The following PPP1R42 variants were observed in gnomAD, a reference collection of about 807,000 sequenced individuals.
PPP1R42 encodes protein phosphatase 1 regulatory subunit 42.
In PPP1R42, 34 loss-of-function variants were observed where a neutral mutation model predicts 31.0. The observed-to-expected ratio is 1.10, with a 90% confidence interval of 0.83 to 1.46. The LOEUF (loss-of-function observed/expected upper bound fraction) is 1.46. PPP1R42 is among the 40% of genes most tolerant of loss of function. The probability of loss-of-function intolerance (pLI) is 0.00; values close to 1 mark genes in which losing one functional copy is unlikely to be tolerated. For missense variants in PPP1R42, 268 were observed against 303.0 expected (o/e 0.88, Z 0.86); for synonymous variants, 103 against 109.8 (o/e 0.94, Z 0.39).
In PPP1R42 at chr8:66,985,309, C is replaced by G. The variant is rs1814975899; in HGVS notation, c.670+3091G>C. 8 of 828,066 alleles carry G rather than the reference C, an allele frequency of 9.7e-6. No individual in the cohort carries two copies. The East Asian group carries it at 1.9e-4, about 20-fold the overall frequency. 51.3% of individuals were successfully genotyped at this position (828,066 alleles called of 1,614,324 possible). On this transcript the variant is annotated intron_variant, in intron 6 of 7. Transcript: ENST00000685739. ...TCGGGGTCAAAAAAGGTATTGGACTCCATGTCTTCTGATGGCTTTTCTTTT... is the reference window on the plus strand; with the variant it reads ...TCGGGGTCAAAAAAGGTATTGGACTGCATGTCTTCTGATGGCTTTTCTTTT...
chr8:66,972,144 G>C (rs1286140545), intron 7 of PPP1R42, among the ~76,000 whole-genome samples: 1 of 152,120 alleles, frequency 6.6e-6, no homozygotes, highest in African/African-American at 2.4e-5. Context: ...GTATGCTATT[G>C]GACATATACA....
At chr8:66,986,080 C>T (rs904752402) in intron 6 of PPP1R42, 14 of 732,378 alleles carry the variant, frequency 1.9e-5, no homozygotes, top group South Asian at 9.5e-5. Flanking sequence ...TTCAGATGAT[C>T]GGCTGCCTTC....
chr8:67,022,624 CTA>C (rs1816256750), intron 1 of PPP1R42, among the ~76,000 whole-genome samples: 1 of 151,848 alleles, frequency 6.6e-6, no homozygotes, highest in Non-Finnish European at 1.5e-5. Flanking sequence ...AAAAAAAGAC[CTA>C]TATATTCTTC....
chr8:66,988,732 G>T (rs1245477499), intron 5 of PPP1R42, among the ~76,000 whole-genome samples: 1 of 152,132 alleles, frequency 6.6e-6, no homozygotes, highest in East Asian at 1.9e-4. Context: ...GAGGTCCTAA[G>T]TTGAGGGCCA....
chr8:67,017,849 AAGG>A lies in PPP1R42; in HGVS notation c.-84-21_-84-19del, dbSNP rs1935394627. ...CCAACTTTCTGAAGATTAAAGAAAA[AAGG>A]AGCATTATGATATCATAGCAATTTA... On this transcript the variant is annotated intron_variant, in intron 1 of 7. Transcript: ENST00000685739. 7.8e-7 allele frequency: 1 copy of A among 1,286,108 alleles called. No individual in the cohort carries two copies. Among genetic ancestry groups the A allele is most frequent in the Non-Finnish European group, 1.0e-6 (1 of 980,532 alleles). 79.7% of individuals were successfully genotyped at this position (1,286,108 alleles called of 1,614,324 possible).
chr8:66,996,154 G>A (rs190353296), intron 5 of PPP1R42, among the ~76,000 whole-genome samples: 104 of 152,254 alleles, frequency 6.8e-4, no homozygotes, highest in Non-Finnish European at 4.0e-4. Flanking sequence ...AGGCTCAAGC[G>A]ATCCTTCCAC....
At chr8:67,002,387 C>T (rs1355736665) in intron 5 of PPP1R42, among the ~76,000 whole-genome samples, 3 of 152,142 alleles carry the variant, frequency 2.0e-5, no homozygotes, top group South Asian at 2.1e-4. Context: ...TTAGTAGAGA[C>T]GTGGTTTCAC....
At chr8:66,994,879 T>C (rs1001675728) in intron 5 of PPP1R42, among the ~76,000 whole-genome samples, 1 of 152,208 alleles carries the variant, frequency 6.6e-6, no homozygotes, top group Non-Finnish European at 1.5e-5. Flanking sequence ...GTGTAAGAAC[T>C]ACACTAGTTA....
chr8:66,975,388 C>A (rs999185250), intron 7 of PPP1R42, among the ~76,000 whole-genome samples: 4 of 152,188 alleles, frequency 2.6e-5, no homozygotes, highest in Non-Finnish European at 5.9e-5. Flanking sequence ...TGGCTCATGC[C>A]TGTAATCCCA....
intron 6 of PPP1R42, chr8:66,984,210 A>G: frequency 3.2e-6 from 5 of 1,546,504 alleles, no homozygotes; most frequent in Non-Finnish European, 4.5e-6. Context: ...TGAAATGCTC[A>G]TGAGCTATGT....
At chr8:66,964,560 AAAT>A (rs1814330961) in intron 7 of PPP1R42, among the ~76,000 whole-genome samples, 1 of 152,162 alleles carries the variant, frequency 6.6e-6, no homozygotes, top group Admixed American at 6.5e-5. Flanking sequence ...AGAGGTATGG[AAAT>A]AATATTAGAG....
intron 5 of PPP1R42, among the ~76,000 whole-genome samples, chr8:67,008,707 C>CA (rs764674038): frequency 0.14 from 10,346 of 71,862 alleles, 829 homozygotes; most frequent in African/African-American, 0.29. Flanking sequence ...GACTCTGTCT[C>CA]AAAAAAAAAA....
chr8:67,008,014 G>A (rs1226758630), intron 5 of PPP1R42, among the ~76,000 whole-genome samples: 1 of 150,084 alleles, frequency 6.7e-6, no homozygotes, highest in African/African-American at 2.5e-5. Flanking sequence ...AGCCTCCCAA[G>A]TATCTGGGAC....
chr8:67,017,739 T>C lies in PPP1R42; in HGVS notation c.9A>G (p.Arg3=), dbSNP rs1816060448. 1.3e-6 allele frequency: 2 copies of C among 1,585,120 alleles called. No homozygotes were observed. The highest frequency in any genetic ancestry group is 1.7e-6 in the Non-Finnish European group (2 of 1,167,788). MV[R]LTLDLIARNS... Reference sequence around the variant, plus strand: ...TTCTGGCAATTAGATCCAAGGTCAGTCGAACCATAATTTCTTTATAAATCA... The same window carrying C: ...TTCTGGCAATTAGATCCAAGGTCAGCCGAACCATAATTTCTTTATAAATCA... Residue 3 remains arginine, a synonymous_variant, in exon 2 of 8, where the codon CGA becomes CGG. Transcript: ENST00000685739.
intron 5 of PPP1R42, among the ~76,000 whole-genome samples, chr8:66,990,945 G>A (rs956967424): frequency 1.3e-4 from 20 of 152,130 alleles, no homozygotes; most frequent in African/African-American, 3.6e-4. Flanking sequence ...ATGACAGGCC[G>A]TAGAAGTTTG....
intron 7 of PPP1R42, 142 bp downstream of exon 7, chr8:66,981,907 G>A (rs1474395633): frequency 2.4e-6 from 2 of 845,350 alleles, no homozygotes; most frequent in Non-Finnish European, 3.2e-6. Flanking sequence ...GTACAACTAA[G>A]TAAATAAGTT....
At chr8:67,004,158 G>T (rs1159431496) in intron 5 of PPP1R42, among the ~76,000 whole-genome samples, 13 of 151,956 alleles carry the variant, frequency 8.6e-5, no homozygotes, top group Admixed American at 8.5e-4. Flanking sequence ...TTCATGAATG[G>T]ATTAGAACCT....
intron 5 of PPP1R42, among the ~76,000 whole-genome samples, chr8:67,006,442 A>C (rs1031418343): frequency 1.3e-5 from 2 of 152,238 alleles, no homozygotes; most frequent in South Asian, 4.1e-4. Context: ...TCCTGGGCTC[A>C]AGCGATCCTC....
intron 7 of PPP1R42, among the ~76,000 whole-genome samples, chr8:66,974,021 T>C (rs908277348): frequency 6.6e-6 from 1 of 152,200 alleles, no homozygotes; most frequent in Non-Finnish European, 1.5e-5. Flanking sequence ...GCATCTTGAC[T>C]ATTGTGAATA....
Sources: gnomAD v4.1 joint callset for allele counts (sites outside exome capture counted in the v4.1 genomes callset) on GRCh38, gnomAD v4.1.1 for gene constraint, MANE v1.5 for transcripts, NCBI Gene and HGNC (gene_info 2026-07-23, HGNC 2026-07-21) for gene names.